Variants in SH3PXD2B observed in about 807,000 individuals in gnomAD.
SH3PXD2B encodes SH3 and PX domain-containing protein 2B.
Under a neutral mutation model 73.1 loss-of-function variants are expected in SH3PXD2B, and 37 were observed. That is an observed-to-expected ratio of 0.51 (90% CI 0.39 to 0.67). The LOEUF (loss-of-function observed/expected upper bound fraction) is 0.67, where lower values mean the gene tolerates loss of function less well. Among genes scored for constraint, SH3PXD2B ranks in the 30% least tolerant of loss-of-function variants. The pLI is 0.00. For synonymous variants in SH3PXD2B, 457 were observed against 480.5 expected (o/e 0.95, Z 0.64); for missense variants, 1,053 against 1,197.8 (o/e 0.88, Z 1.78).
intron 5 of SH3PXD2B, among the ~76,000 whole-genome samples, chr5:172,379,694 T>C (rs1757899734): frequency 6.6e-6 from 1 of 152,196 alleles, no homozygotes; most frequent in African/African-American, 2.4e-5. Context: ...GGCAAAGTCT[T>C]AGAATTTTTC....
chr5:172,368,770 T>C (rs1035638564), intron 6 of SH3PXD2B, among the ~76,000 whole-genome samples: 10 of 121,206 alleles, frequency 8.3e-5, no homozygotes, highest in Non-Finnish European at 1.1e-4. Context: ...ATATATAATA[T>C]ACATATATAT....
chr5:172,364,035 C>T (rs1181684137), intron 6 of SH3PXD2B, among the ~76,000 whole-genome samples: 1 of 152,160 alleles, frequency 6.6e-6, no homozygotes, highest in Non-Finnish European at 1.5e-5. Context: ...TAGAGAGGTG[C>T]TCCAGGGAGG....
intron 4 of SH3PXD2B, among the ~76,000 whole-genome samples, chr5:172,382,764 T>G (rs1158875123): frequency 6.6e-6 from 1 of 152,200 alleles, no homozygotes; most frequent in Non-Finnish European, 1.5e-5. Flanking sequence ...GATCTTGCTC[T>G]GTCACTCAGG....
chr5:172,399,881 G>C (rs1758388745), intron 3 of SH3PXD2B, among the ~76,000 whole-genome samples: 1 of 152,010 alleles, frequency 6.6e-6, no homozygotes, highest in African/African-American at 2.4e-5. Context: ...GCACTTATTC[G>C]ACCTCTCACC....
Position 172,339,248 on chromosome 5 carries a change from T to C in SH3PXD2B, c.1857A>G (p.Lys619=). ...KPNLRPISKS[K]TDLPEEKPDA... ...CTGGCTTCTCCTCTGGCAGGTCAGT[T>C]TTGGATTTGGAGATGGGCCGGAGGT... Residue 619 remains lysine, a synonymous_variant, in exon 13 of 13, where the codon AAA becomes AAG. Coordinates refer to ENST00000311601, the MANE Select transcript of SH3PXD2B (RefSeq NM_001017995.3). The surrounding 1 kb of genome is among the most constrained non-coding windows in gnomAD (Gnocchi z 6.1). 1 of 1,614,162 alleles carries C rather than the reference T, an allele frequency of 6.2e-7. No homozygotes were observed. Among genetic ancestry groups the C allele is most frequent in the Non-Finnish European group, 8.5e-7 (1 of 1,180,024 alleles).
intron 2 of SH3PXD2B, 50 bp downstream of exon 2, chr5:172,422,366 A>C: frequency 6.7e-7 from 1 of 1,495,832 alleles, no homozygotes; most frequent in South Asian, 1.2e-5. Flanking sequence ...ATGTAAGTCC[A>C]ATTAAACTCT....
intron 4 of SH3PXD2B, among the ~76,000 whole-genome samples, chr5:172,393,161 T>A (rs1758227026): frequency 6.6e-6 from 1 of 152,150 alleles, no homozygotes; most frequent in Admixed American, 6.5e-5. Context: ...CTGGGAGGAG[T>A]TCCATTTTAA....
chr5:172,347,222 G>A (rs1757016063), intron 11 of SH3PXD2B, 61 bp downstream of exon 11: 2 of 1,519,588 alleles, frequency 1.3e-6, no homozygotes, highest in African/African-American at 1.4e-5. Context: ...TGAGGGGCTA[G>A]TGGACACCCC....
chr5:172,411,979 C>A (rs1288817818), intron 2 of SH3PXD2B, among the ~76,000 whole-genome samples: 2 of 152,104 alleles, frequency 1.3e-5, no homozygotes, highest in African/African-American at 2.4e-5. Flanking sequence ...TCTCCCTCCC[C>A]CTGGGCCCTG....
intron 2 of SH3PXD2B, among the ~76,000 whole-genome samples, chr5:172,408,557 A>ATTTTTTTTTT (rs1758617412): frequency 4.4e-5 from 1 of 22,484 alleles, no homozygotes; most frequent in African/African-American, 3.1e-4. Flanking sequence ...TTTTTTTTTG[A>ATTTTTTTTTT]GATGGAGTTT....
chr5:172,427,921 C>T (rs938257750), intron 1 of SH3PXD2B, among the ~76,000 whole-genome samples: 14 of 151,768 alleles, frequency 9.2e-5, no homozygotes, highest in East Asian at 7.7e-4. Flanking sequence ...GGATTACAGG[C>T]GCCTGCCACC....
In SH3PXD2B at chr5:172,333,955, TA is replaced by T. The variant is rs1304791204; in HGVS notation, c.*4413del. On this transcript the variant is annotated 3_prime_UTR_variant, in exon 13 of 13. Transcript: ENST00000311601. ...TAAAATGTGGACACCATCGTTGCAT[TA>T]GAATTGCTTATTGCTGATGTAAGCC... is the stretch of plus-strand genomic sequence containing the variant. 6 of 1,230,258 alleles carry T rather than the reference TA, an allele frequency of 4.9e-6. No homozygotes were observed. In the Admixed American group the frequency reaches 1.4e-4, roughly 29 times the overall value. 76.2% of individuals were successfully genotyped at this position (1,230,258 alleles called of 1,614,324 possible).
chr5:172,444,727 T>C (rs1759624217), intron 1 of SH3PXD2B, among the ~76,000 whole-genome samples: 1 of 152,152 alleles, frequency 6.6e-6, no homozygotes, highest in South Asian at 2.1e-4. Context: ...CTGTCTGTGC[T>C]CTGCTCCCTG....
At chr5:172,365,085 G>A (rs1173113240) in intron 6 of SH3PXD2B, among the ~76,000 whole-genome samples, 1 of 152,210 alleles carries the variant, frequency 6.6e-6, no homozygotes, top group Non-Finnish European at 1.5e-5. Context: ...GGGTAACAGG[G>A]AAATGGGAGG....
At chr5:172,366,604 AATTT>A (rs770544465) in intron 6 of SH3PXD2B, among the ~76,000 whole-genome samples, 160 of 151,998 alleles carry the variant, frequency 1.1e-3, no homozygotes, top group South Asian at 2.7e-3. Flanking sequence ...TTGACCCTGC[AATTT>A]ATTTATTTAT....
Position 172,333,952 on chromosome 5 carries a change from C to T in SH3PXD2B, c.*4417G>A, listed in dbSNP as rs1581255000. Reference sequence around the variant, plus strand: ...GGGTAAAATGTGGACACCATCGTTGCATTAGAATTGCTTATTGCTGATGTA... The same window carrying T: ...GGGTAAAATGTGGACACCATCGTTGTATTAGAATTGCTTATTGCTGATGTA... On this transcript the variant is annotated 3_prime_UTR_variant, in exon 13 of 13. Coordinates refer to ENST00000311601, the MANE Select transcript of SH3PXD2B (RefSeq NM_001017995.3). 8.1e-7 allele frequency: 1 copy of T among 1,233,388 alleles called. No individual in the cohort carries two copies. The highest frequency in any genetic ancestry group is 5.8e-5 in the East Asian group (1 of 17,318). The allele number at this position is 1,233,388 out of a possible 1,614,324, so 76.4% of individuals were successfully genotyped here. A position where few individuals can be genotyped will look rare whatever the true frequency, so the allele number is the denominator to read the frequency against.
chr5:172,366,337 G>A (rs1259374990), intron 6 of SH3PXD2B, among the ~76,000 whole-genome samples: 1 of 152,174 alleles, frequency 6.6e-6, no homozygotes, highest in Non-Finnish European at 1.5e-5. Flanking sequence ...TGCCCCTCCA[G>A]TCTGCCCTCC....
At chr5:172,408,255 C>T (rs1196421949) in intron 2 of SH3PXD2B, among the ~76,000 whole-genome samples, 1 of 149,022 alleles carries the variant, frequency 6.7e-6, no homozygotes, top group African/African-American at 2.5e-5. Context: ...TTTCTTTATT[C>T]TTTTTCTGTT....
Position 172,334,481 on chromosome 5 carries a change from C to T in SH3PXD2B, c.*3888G>A. The T allele has an allele frequency of 1.0e-6, 1 of 986,032 alleles. No homozygotes were observed. The highest frequency in any genetic ancestry group is 1.2e-6 in the Non-Finnish European group (1 of 830,424). The allele number at this position is 986,032 out of a possible 1,614,324, so 61.1% of individuals were successfully genotyped here. A position where few individuals can be genotyped will look rare whatever the true frequency, so the allele number is the denominator to read the frequency against. On this transcript the variant is annotated 3_prime_UTR_variant, in exon 13 of 13. Coordinates refer to ENST00000311601, the MANE Select transcript of SH3PXD2B (RefSeq NM_001017995.3). ...GAGGTATGGATGTCTGCAGTCTACA[C>T]AACAGCCCTGCAGAACGGGCCTGGA... is the stretch of plus-strand genomic sequence containing the variant.
Sources: allele counts gnomAD v4.1 joint callset (sites outside exome capture counted in the v4.1 genomes callset), GRCh38; gene constraint gnomAD v4.1.1; non-coding constraint Gnocchi (gnomAD v3.1); transcripts MANE v1.5; gene names NCBI Gene and HGNC (gene_info 2026-07-23, HGNC 2026-07-21).